KANSL1: variants seen among roughly 807,000 people sequenced by gnomAD.
KANSL1 encodes KAT8 regulatory NSL complex subunit 1, also known as MLL1/MLL complex subunit KANSL1.
KANSL1 carries 22 observed loss-of-function variants against 103.6 expected under a neutral mutation model. That is an observed-to-expected ratio of 0.21 (90% CI 0.15 to 0.30). The LOEUF (loss-of-function observed/expected upper bound fraction) is 0.30. Ranked by LOEUF, KANSL1 falls within the 10% of genes least tolerant of loss-of-function variation. The pLI, the probability that KANSL1 is intolerant of heterozygous loss-of-function variation, is 1.00. For synonymous variants in KANSL1, 600 were observed against 527.6 expected (o/e 1.14, Z -1.88); for missense variants, 1,337 against 1,399.8 (o/e 0.96, Z 0.72).
At chr17:46,206,895 A>G (rs189649066) in intron 1 of KANSL1, among the ~76,000 whole-genome samples, 3 of 152,320 alleles carry the variant, frequency 2.0e-5, no homozygotes, top group African/African-American at 7.2e-5. Context: ...TAGATGGGAG[A>G]AAATATTTGC....
chr17:46,158,975 C>G (rs971654884), intron 2 of KANSL1, among the ~76,000 whole-genome samples: 1 of 152,226 alleles, frequency 6.6e-6, no homozygotes, highest in African/African-American at 2.4e-5. Flanking sequence ...CAGAACCTTA[C>G]GCTCAGATTT....
At chr17:46,047,010 G>A (rs2077536979) in intron 7 of KANSL1, among the ~76,000 whole-genome samples, 2 of 151,856 alleles carry the variant, frequency 1.3e-5, no homozygotes, top group Non-Finnish European at 2.9e-5. Flanking sequence ...AAGCACAGAG[G>A]AAAATGTTTT....
At chr17:46,104,680 TG>T (rs2042457073) in intron 2 of KANSL1, among the ~76,000 whole-genome samples, 1 of 152,308 alleles carries the variant, frequency 6.6e-6, no homozygotes, top group Non-Finnish European at 1.5e-5. Context: ...AACACTTAAC[TG>T]AAGTATTCTA....
intron 2 of KANSL1, among the ~76,000 whole-genome samples, chr17:46,109,572 T>A (rs537008385): frequency 1.3e-5 from 2 of 152,280 alleles, no homozygotes; most frequent in African/African-American, 4.8e-5. Context: ...TTTAATGACA[T>A]AGACCTCAAA....
chr17:46,058,241 G>C (rs1282114215), intron 6 of KANSL1, among the ~76,000 whole-genome samples: 2 of 152,228 alleles, frequency 1.3e-5, no homozygotes, highest in Admixed American at 6.5e-5. Context: ...TATCAGGCCA[G>C]GCAAGAGCAA....
intron 4 of KANSL1, among the ~76,000 whole-genome samples, chr17:46,078,309 T>C (rs775936687): frequency 9.2e-5 from 14 of 152,268 alleles, no homozygotes; most frequent in Non-Finnish European, 1.9e-4. Context: ...AAATTCTGCC[T>C]TCCCTGCATT....
rs181794122 is a variant in KANSL1 at position 46,193,356 on chromosome 17, T to C, written c.-623A>G. On this transcript the variant is annotated 5_prime_UTR_variant, in exon 1 of 15. Coordinates refer to ENST00000432791, the MANE Select transcript of KANSL1 (RefSeq NM_015443.4). ...CCGGCTCGGCGAGCGGTGGCGGCGG[T>C]GGCGGCGGCACTGGGAAAATGGCGG... The C allele has an allele frequency of 2.5e-4, 40 of 156,910 alleles. No individual in the cohort carries two copies. The highest frequency in any genetic ancestry group is 3.6e-4 in the Non-Finnish European group (26 of 72,968). 9.7% of individuals were successfully genotyped at this position (156,910 alleles called of 1,614,324 possible).
At chr17:46,143,803 C>CAAAAAAA (rs57361021) in intron 2 of KANSL1, among the ~76,000 whole-genome samples, 35 of 85,514 alleles carry the variant, frequency 4.1e-4, no homozygotes, top group Non-Finnish European at 4.9e-4. Flanking sequence ...GACTCCATCT[C>CAAAAAAA]AAAAAAAAAA....
chr17:46,218,254 C>G (rs2048401741), intron 1 of KANSL1, among the ~76,000 whole-genome samples: 2 of 152,246 alleles, frequency 1.3e-5, no homozygotes, highest in Non-Finnish European at 2.9e-5. Context: ...AAACAGATGT[C>G]ATAAGAAAAT....
chr17:46,112,353 A>G (rs534499477), intron 2 of KANSL1, among the ~76,000 whole-genome samples: 1 of 124,600 alleles, frequency 8.0e-6, no homozygotes, highest in South Asian at 2.9e-4. Context: ...GGGTGAAAAG[A>G]GTGAAACTCT....
chr17:46,136,274 G>T (rs1232413155), intron 2 of KANSL1, among the ~76,000 whole-genome samples: 1 of 152,186 alleles, frequency 6.6e-6, no homozygotes, highest in Admixed American at 6.5e-5. Context: ...AGGGTATATA[G>T]GTTGATGTAC....
intron 2 of KANSL1, among the ~76,000 whole-genome samples, chr17:46,107,089 T>C (rs1305208084): frequency 1.3e-5 from 2 of 152,214 alleles, no homozygotes; most frequent in African/African-American, 2.4e-5. Flanking sequence ...AACCCAAGTT[T>C]GGCATTTCCT....
At chr17:46,121,769 C>T (rs2043290803) in intron 2 of KANSL1, among the ~76,000 whole-genome samples, 2 of 152,036 alleles carry the variant, frequency 1.3e-5, no homozygotes, top group Non-Finnish European at 2.9e-5. Context: ...TGTACAGATT[C>T]TCCTCAACTT....
At chr17:46,032,567 G>C in intron 13 of KANSL1, 1 of 411,262 alleles carries the variant, frequency 2.4e-6, no homozygotes, top group Non-Finnish European at 4.3e-6. Flanking sequence ...AGGGAGATTC[G>C]TGTAGACTTT....
chr17:46,097,304 G>A (rs1413011322), intron 2 of KANSL1, among the ~76,000 whole-genome samples: 1 of 152,152 alleles, frequency 6.6e-6, no homozygotes, highest in African/African-American at 2.4e-5. Flanking sequence ...AGTAGTGAAG[G>A]AATTTGATGA....
At chr17:46,178,726 A>G (rs1037296347) in intron 1 of KANSL1, among the ~76,000 whole-genome samples, 10 of 152,226 alleles carry the variant, frequency 6.6e-5, no homozygotes, top group Non-Finnish European at 1.2e-4. Context: ...AACTTCCCAG[A>G]TGGAGACTCA....
At chr17:46,183,958 C>A (rs914759203) in intron 1 of KANSL1, among the ~76,000 whole-genome samples, 3 of 152,186 alleles carry the variant, frequency 2.0e-5, no homozygotes, top group Non-Finnish European at 4.4e-5. Context: ...ATTGCCTATA[C>A]AACTACTTCA....
intron 6 of KANSL1, among the ~76,000 whole-genome samples, chr17:46,056,639 T>C (rs973000736): frequency 6.6e-6 from 1 of 152,218 alleles, no homozygotes; most frequent in Non-Finnish European, 1.5e-5. Flanking sequence ...AAGATCTTGA[T>C]TTCAAAATTC....
chr17:46,175,668 CA>C (rs1297877017), intron 1 of KANSL1, among the ~76,000 whole-genome samples: 1 of 152,032 alleles, frequency 6.6e-6, no homozygotes, highest in African/African-American at 2.4e-5. Context: ...TTATTAACAC[CA>C]AAAGTTTCTT....
Sources: gnomAD v4.1 joint callset for allele counts (sites outside exome capture counted in the v4.1 genomes callset) on GRCh38, gnomAD v4.1.1 for gene constraint, MANE v1.5 for transcripts, NCBI Gene and HGNC (gene_info 2026-07-23, HGNC 2026-07-21) for gene names.